GLRB: variants seen among roughly 807,000 people sequenced by gnomAD.
GLRB encodes glycine receptor subunit beta.
Under a neutral mutation model 54.2 loss-of-function variants are expected in GLRB, and 33 were observed. The ratio of observed to expected loss-of-function variants is 0.61; its 90% confidence interval spans 0.46 to 0.81. The LOEUF (loss-of-function observed/expected upper bound fraction) is 0.81. GLRB is among the 40% of genes least tolerant of loss of function. The pLI, the probability that GLRB is intolerant of heterozygous loss-of-function variation, is 0.00. For synonymous variants in GLRB, 209 were observed against 208.2 expected (o/e 1.00, Z -0.03); for missense variants, 572 against 584.6 (o/e 0.98, Z 0.22).
intron 8 of GLRB, 38 bp downstream of exon 8, chr4:157,143,997 G>T: frequency 6.3e-7 from 1 of 1,584,260 alleles, no homozygotes; most frequent in Non-Finnish European, 8.7e-7. Context: ...ATCAGGAACA[G>T]ATTATATCTT....
chr4:157,078,060 A>T lies in GLRB; in HGVS notation c.36A>T (p.Leu12Phe), dbSNP rs1734101844. ...TATTGACAACTGCCTTTTTAATTTTAATTTCCTTGTGGGTGGAAGAAGCCT... is the reference window on the plus strand; with the variant it reads ...TATTGACAACTGCCTTTTTAATTTTTATTTCCTTGTGGGTGGAAGAAGCCT... The part of the protein sequence containing the change: ...KFLLTTAFLI[L>F]ISLWVEEAYS... Residue 12 changes from leucine to phenylalanine, a missense_variant, in exon 2 of 10, where the codon TTA (leucine) becomes TTT (phenylalanine). Transcript: ENST00000264428. The T allele has an allele frequency of 6.2e-7, 1 of 1,611,342 alleles. No individual in the cohort carries two copies. The highest frequency in any genetic ancestry group is 8.5e-7 in the Non-Finnish European group (1 of 1,177,838).
intron 4 of GLRB, among the ~76,000 whole-genome samples, chr4:157,123,533 A>T (rs978547054): frequency 6.6e-6 from 1 of 151,804 alleles, no homozygotes; most frequent in Admixed American, 6.6e-5. Flanking sequence ...AGATTTGGGG[A>T]TTATGTCCAA....
At chr4:157,149,465 C>A (rs951562528) in intron 8 of GLRB, among the ~76,000 whole-genome samples, 17 of 151,958 alleles carry the variant, frequency 1.1e-4, no homozygotes, top group Non-Finnish European at 2.1e-4. Context: ...TTCTGTTACA[C>A]AAAATACTTT....
chr4:157,143,485 C>T (rs1342507927), intron 7 of GLRB, among the ~76,000 whole-genome samples: 4 of 151,884 alleles, frequency 2.6e-5, no homozygotes, highest in Non-Finnish European at 5.9e-5. Flanking sequence ...AGAGGACCCA[C>T]GGGTAAAGAA....
At chr4:157,159,536 G>T (rs576837285) in intron 9 of GLRB, among the ~76,000 whole-genome samples, 1 of 152,106 alleles carries the variant, frequency 6.6e-6, no homozygotes, top group East Asian at 1.9e-4. Context: ...AGAGTTTTTA[G>T]CATGAAGGGC....
chr4:157,090,004 C>T (rs574423893), intron 2 of GLRB, among the ~76,000 whole-genome samples: 8 of 152,140 alleles, frequency 5.3e-5, no homozygotes, highest in Admixed American at 1.3e-4. Flanking sequence ...TTCTCCTCAT[C>T]TCTGCTTTTA....
Position 157,170,964 on chromosome 4 carries a change from G to A in GLRB, c.*236G>A. The A allele has an allele frequency of 2.7e-6, 1 of 373,390 alleles. No homozygotes were observed. Among genetic ancestry groups the A allele is most frequent in the Non-Finnish European group, 4.8e-6 (1 of 207,186 alleles). The allele number at this position is 373,390 out of a possible 1,614,324, so 23.1% of individuals were successfully genotyped here. On this transcript the variant is annotated 3_prime_UTR_variant, in exon 10 of 10. Coordinates refer to ENST00000264428, the MANE Select transcript of GLRB (RefSeq NM_000824.5). ...AACATATTGCTTAGTAACAAATGAA[G>A]GACAAGCATACTACATAATATAATC...
At chr4:157,152,596 A>G (rs538033565) in intron 8 of GLRB, 122 bp from the exon 9 acceptor site, 16 of 798,084 alleles carry the variant, frequency 2.0e-5, no homozygotes, top group African/African-American at 1.8e-4. Context: ...CTTTAAGGGG[A>G]CCTGACAAAT....
chr4:157,080,220 A>G (rs942584413), intron 2 of GLRB, among the ~76,000 whole-genome samples: 1 of 152,216 alleles, frequency 6.6e-6, no homozygotes, highest in African/African-American at 2.4e-5. Flanking sequence ...CTTCTGATGA[A>G]TATGACATCT....
chr4:157,130,459 T>G (rs1259828070), intron 4 of GLRB, among the ~76,000 whole-genome samples: 1 of 151,728 alleles, frequency 6.6e-6, no homozygotes, highest in Non-Finnish European at 1.5e-5. Context: ...TTGTTTTTGT[T>G]TTTGTTCTGT....
At chr4:157,094,638 A>G (rs1356332673) in intron 2 of GLRB, among the ~76,000 whole-genome samples, 1 of 152,222 alleles carries the variant, frequency 6.6e-6, no homozygotes, top group Non-Finnish European at 1.5e-5. Context: ...GGTCAACTTC[A>G]TTTGTCATCA....
chr4:157,124,916 A>G (rs1715174290), intron 4 of GLRB, among the ~76,000 whole-genome samples: 1 of 151,834 alleles, frequency 6.6e-6, no homozygotes, highest in Admixed American at 6.6e-5. Context: ...ATATACCTTT[A>G]TAAAGTAGAA....
chr4:157,162,724 T>TA (rs1375595543), intron 9 of GLRB, among the ~76,000 whole-genome samples: 10 of 152,042 alleles, frequency 6.6e-5, no homozygotes, highest in African/African-American at 2.4e-4. Context: ...CACCCGGCTG[T>TA]ATGAGGTGTC....
In GLRB at chr4:157,136,542, G is replaced by T. The variant is rs1294573260; in HGVS notation, c.371G>T (p.Gly124Val). 1 of 1,612,578 alleles carries T rather than the reference G, an allele frequency of 6.2e-7. No homozygotes were observed. The highest frequency in any genetic ancestry group is 1.3e-5 in the African/African-American group (1 of 74,864). The change falls in exon 5 of 10, where the codon GGT becomes GTT. Residue 124 changes from glycine to valine, a missense_variant. Gly to Val is a moderately radical substitution (Grantham distance 109). Transcript: ENST00000264428. ...CTGAAGCTCCCCAGTGATTTTAGGGGTTCAGATGCACTGACAGTGGATCCA... is the reference window on the plus strand; with the variant it reads ...CTGAAGCTCCCCAGTGATTTTAGGGTTTCAGATGCACTGACAGTGGATCCA... The part of the protein sequence containing the change: ...PRLKLPSDFR[G>V]SDALTVDPTM...
chr4:157,094,244 T>G (rs898819487), intron 2 of GLRB, among the ~76,000 whole-genome samples: 2 of 152,216 alleles, frequency 1.3e-5, no homozygotes, highest in African/African-American at 2.4e-5. Flanking sequence ...ACTCCAGTGA[T>G]TACCATTCAG....
rs78806322 is a variant in GLRB at position 157,081,417 on chromosome 4, G to A, written c.122+3271G>A. Among the ~76,000 whole-genome samples, 1,345 of 152,026 alleles carry A rather than the reference G, an allele frequency of 8.8e-3. 18 individuals carry two copies. Among genetic ancestry groups the A allele is most frequent in the African/African-American group, 0.03 (1,243 of 41,454 alleles). On this transcript the variant is annotated intron_variant, in intron 2 of 9. Coordinates refer to ENST00000264428, the MANE Select transcript of GLRB (RefSeq NM_000824.5). ...TCCACCATTTCAACTTGACCGTCCC[G>A]TCATGAAACTCAAATTTAACTTGAA...
chr4:157,095,781 G>A (rs967110931), intron 2 of GLRB, among the ~76,000 whole-genome samples: 4 of 152,132 alleles, frequency 2.6e-5, no homozygotes, highest in Non-Finnish European at 2.9e-5. Flanking sequence ...TGTGACTGTA[G>A]GGTAGAGCAA....
At chr4:157,106,611 G>C (rs1172904435) in intron 2 of GLRB, among the ~76,000 whole-genome samples, 1 of 151,794 alleles carries the variant, frequency 6.6e-6, no homozygotes, top group Non-Finnish European at 1.5e-5. Flanking sequence ...CCTGGAGCTA[G>C]GACAACCTTT....
chr4:157,159,050 C>G (rs541979419), intron 9 of GLRB, among the ~76,000 whole-genome samples: 7 of 152,198 alleles, frequency 4.6e-5, no homozygotes, highest in African/African-American at 1.4e-4. Flanking sequence ...CCTCCACATC[C>G]CTTGTAAGTT....
Sources: allele counts gnomAD v4.1 joint callset (sites outside exome capture counted in the v4.1 genomes callset), GRCh38; gene constraint gnomAD v4.1.1; transcripts MANE v1.5; gene names NCBI Gene and HGNC (gene_info 2026-07-23, HGNC 2026-07-21).